Variants in PASK observed in about 807,000 individuals in gnomAD.
PASK encodes PAS domain-containing serine/threonine-protein kinase.
Under a neutral mutation model 121.0 loss-of-function variants are expected in PASK, and 110 were observed. The observed-to-expected ratio is 0.91, with a 90% CI of 0.78 to 1.06. The LOEUF is 1.06. Among genes scored for constraint, PASK ranks in the 50% least tolerant of loss-of-function variants. The probability of loss-of-function intolerance (pLI) is 0.00; values close to 1 mark genes in which losing one functional copy is unlikely to be tolerated. For synonymous variants in PASK, 686 were observed against 717.8 expected (o/e 0.96, Z 0.71); for missense variants, 1,643 against 1,702.3 (o/e 0.97, Z 0.61).
intron 15 of PASK, among the ~76,000 whole-genome samples, chr2:241,109,990 G>A (rs1411316423): frequency 6.6e-6 from 1 of 152,206 alleles, no homozygotes; most frequent in Non-Finnish European, 1.5e-5. Flanking sequence ...CAAGAGGCAG[G>A]GGATGTTTGC....
At chr2:241,149,909 C>T (rs550317021), upstream of PASK, 2 of 1,434,172 alleles carry the variant, frequency 1.4e-6, no homozygotes, top group South Asian at 1.5e-5. Flanking sequence ...CGCAAGTGCC[C>T]CGCACCTGCC....
chr2:241,120,492 C>CAAAAAAAAAAAAAAAAAA (rs568145375), intron 12 of PASK, among the ~76,000 whole-genome samples: 5 of 140,032 alleles, frequency 3.6e-5, no homozygotes, highest in South Asian at 4.6e-4. Flanking sequence ...GACTCTGTCT[C>CAAAAAAAAAAAAAAAAAA]AAAAGAAAAA....
chr2:241,143,415 G>A (rs1414121951), intron 1 of PASK, among the ~76,000 whole-genome samples: 1 of 152,146 alleles, frequency 6.6e-6, no homozygotes, highest in Admixed American at 6.5e-5. Context: ...GCCGGGCATG[G>A]TGGCGGGTGC....
intron 14 of PASK, chr2:241,113,819 G>A (rs1300482999): frequency 2.3e-5 from 23 of 985,316 alleles, no homozygotes; most frequent in Admixed American, 6.1e-5. Flanking sequence ...CCCCGACCCC[G>A]CTGCTGAGCA....
In PASK at chr2:241,126,213, C is replaced by G. The variant is rs1486114211; in HGVS notation, c.2702G>C (p.Arg901Pro). ...EGAYSGSCYHRDGLRLSIQFE... is the reference protein window; with the variant it reads ...EGAYSGSCYHPDGLRLSIQFE... ...GGACATACTCAGCCGTAAGCCATCT[C>G]GATGGTAGCAGCTCCCGGAGTAGGC... The change falls in exon 10 of 18, where the codon CGA becomes CCA. Residue 901 changes from arginine to proline, a missense_variant. This residue lies in a region of PASK where 1,176 missense variants were observed against 1,162.2 expected (regional missense o/e 1.01). Transcript: ENST00000234040. 1.9e-6 allele frequency: 3 copies of G among 1,614,060 alleles called. No individual in the cohort carries two copies. Among genetic ancestry groups the G allele is most frequent in the Non-Finnish European group, 2.5e-6 (3 of 1,180,030 alleles).
At position 241,112,222 on chromosome 2, in the gene PASK, C is replaced by T; in HGVS notation, c.3533+18G>A. ...ACAGAGGACACGAGGACGGGCCGCACCGCAGCCGCATACGTACGGATTCCC... is the reference window on the plus strand; with the variant it reads ...ACAGAGGACACGAGGACGGGCCGCATCGCAGCCGCATACGTACGGATTCCC... On this transcript the variant is annotated intron_variant, in intron 15 of 17. Coordinates refer to ENST00000234040, the MANE Select transcript of PASK (RefSeq NM_015148.4). This position sits in a 1 kb window ranked among gnomAD's most constrained non-coding sequence, Gnocchi z 5.2. 1.2e-6 allele frequency: 2 copies of T among 1,601,588 alleles called. No homozygotes were observed. Among genetic ancestry groups the T allele is most frequent in the Middle Eastern group, 1.7e-4 (1 of 6,022 alleles).
chr2:241,145,024 C>T (rs2066891048), intron 1 of PASK, among the ~76,000 whole-genome samples: 1 of 152,220 alleles, frequency 6.6e-6, no homozygotes, highest in African/African-American at 2.4e-5. Context: ...CGCCATTCTC[C>T]TGCCTCAGCC....
intron 5 of PASK, 152 bp downstream of exon 5, chr2:241,138,502 C>T (rs1449062229): frequency 7.0e-6 from 6 of 852,990 alleles, no homozygotes; most frequent in East Asian, 2.5e-5. Context: ...CCCAAGCACA[C>T]GCAATCAGCG....
intron 12 of PASK, among the ~76,000 whole-genome samples, chr2:241,120,129 C>A (rs2065542586): frequency 6.6e-6 from 1 of 152,046 alleles, no homozygotes; most frequent in Non-Finnish European, 1.5e-5. Flanking sequence ...TATATCTGAT[C>A]AAGAAATTGT....
At chr2:241,150,080 T>A, upstream of PASK, 1 of 1,271,856 alleles carries the variant, frequency 7.9e-7, no homozygotes, top group African/African-American at 1.6e-5. Flanking sequence ...GCCCGCACCT[T>A]GCAGCCACGG....
chr2:241,123,199 G>A (rs562431686), intron 11 of PASK, among the ~76,000 whole-genome samples: 1 of 147,466 alleles, frequency 6.8e-6, no homozygotes, highest in South Asian at 2.1e-4. Flanking sequence ...TTTTTTAGAC[G>A]GAGTCTGGCT....
At position 241,140,091 on chromosome 2, in the gene PASK, T is replaced by G. The variant is rs201899511; in HGVS notation, c.430-36A>C. The G allele has an allele frequency of 1.1e-4, 180 of 1,580,300 alleles. No individual in the cohort carries two copies. In the African/African-American group the frequency reaches 1.9e-3, roughly 17 times the overall value. On this transcript the variant is annotated intron_variant, in intron 3 of 17. Coordinates refer to ENST00000234040, the MANE Select transcript of PASK (RefSeq NM_015148.4). ...ACAAAGAGGAGCAAGGATGCAGACA[T>G]CCCCAGCAGCTCCACCAGCTGCCCA...
chr2:241,141,566 G>A (rs2066699155), intron 2 of PASK, among the ~76,000 whole-genome samples: 1 of 152,018 alleles, frequency 6.6e-6, no homozygotes, highest in Non-Finnish European at 1.5e-5. Context: ...CAGTGACCCT[G>A]GCTCCATCTC....
Position 241,126,691 on chromosome 2 carries a change from T to C in PASK, c.2224A>G (p.Asn742Asp). The C allele has an allele frequency of 6.2e-7, 1 of 1,614,188 alleles. No homozygotes were observed. The highest frequency in any genetic ancestry group is 8.5e-7 in the Non-Finnish European group (1 of 1,180,042). ...QEVDVNSFSW[N>D]LKELFFSDQT... ...TCACTGAAAAAGAGTTCCTTGAGGT[T>C]CCAGGAAAACGAATTCACATCAACC... The change falls in exon 10 of 18, where the codon AAC (asparagine) becomes GAC (aspartate). Residue 742 changes from asparagine (N) to aspartate (D), a missense_variant. Asn to Asp is a conservative substitution (Grantham distance 23). Transcript: ENST00000234040.
At chr2:241,145,652 A>G (rs887708293) in intron 1 of PASK, 2 of 151,968 alleles carry the variant, frequency 1.3e-5, no homozygotes, top group African/African-American at 4.8e-5. Flanking sequence ...CGAGGCAAGC[A>G]GATCACGAGG....
At position 241,142,913 on chromosome 2, in the gene PASK, C is replaced by T. The variant is rs759749755; in HGVS notation, c.120G>A (p.Ser40=). ...AAQTTAEPSR[S]FSSAHRHLSR... is the part of the protein sequence containing the mutation. ...TCAGGTGTCTGTGGGCTGAGGAAAACGACCTGCTGGGCTCAGCAGTGGTCT... is the reference window on the plus strand; with the variant it reads ...TCAGGTGTCTGTGGGCTGAGGAAAATGACCTGCTGGGCTCAGCAGTGGTCT... The change falls in exon 2 of 18, where the codon TCG becomes TCA. Residue 40 remains serine (S), a synonymous_variant. Coordinates refer to ENST00000234040, the MANE Select transcript of PASK (RefSeq NM_015148.4). 48 of 1,613,970 alleles carry T rather than the reference C, an allele frequency of 3.0e-5. No individual in the cohort carries two copies. Among genetic ancestry groups the T allele is most frequent in the African/African-American group, 2.3e-4 (17 of 74,914 alleles).
Position 241,108,109 on chromosome 2 carries a change from A to T in PASK, c.3667+58T>A. On this transcript the variant is annotated intron_variant, in intron 16 of 17. Coordinates refer to ENST00000234040, the MANE Select transcript of PASK (RefSeq NM_015148.4). This position sits in a 1 kb window ranked among gnomAD's most constrained non-coding sequence, Gnocchi z 5.2. Reference sequence around the variant, plus strand: ...CTGAGGAATGAGGAAATGGGAAAAAAAAGTGGCTGGTCTCTAAGGACAGTG... The same window carrying T: ...CTGAGGAATGAGGAAATGGGAAAAATAAGTGGCTGGTCTCTAAGGACAGTG... 3 of 1,583,798 alleles carry T rather than the reference A, an allele frequency of 1.9e-6. No homozygotes were observed. The highest frequency in any genetic ancestry group is 2.6e-6 in the Non-Finnish European group (3 of 1,152,576).
intron 9 of PASK, among the ~76,000 whole-genome samples, chr2:241,128,696 G>A (rs1177571027): frequency 6.6e-6 from 1 of 152,064 alleles, no homozygotes; most frequent in Non-Finnish European, 1.5e-5. Context: ...GTGAGACCTC[G>A]TCTCTACAAA....
In PASK at chr2:241,149,421, A is replaced by T. The variant is rs980623574; in HGVS notation, c.-50T>A. The T allele has an allele frequency of 1.9e-6, 1 of 520,456 alleles. No individual in the cohort carries two copies. Among genetic ancestry groups the T allele is most frequent in the Admixed American group, 3.5e-5 (1 of 28,908 alleles). The allele number at this position is 520,456 out of a possible 1,614,324, so 32.2% of individuals were successfully genotyped here. On this transcript the variant is annotated 5_prime_UTR_variant, in exon 1 of 18. Transcript: ENST00000234040. ...CGAGCGCAGGTATCTCACCTGGATC[A>T]GGCGAGGGTCACGCCAAGCCGGCTA...
Sources: allele counts gnomAD v4.1 joint callset (sites outside exome capture counted in the v4.1 genomes callset), GRCh38; gene constraint gnomAD v4.1.1; regional missense constraint gnomAD v4.1.1; non-coding constraint Gnocchi (gnomAD v3.1); transcripts MANE v1.5; gene names NCBI Gene and HGNC (gene_info 2026-07-23, HGNC 2026-07-21).